Variants in MAOB observed in about 807,000 individuals in gnomAD.
The protein encoded by MAOB is monoamine oxidase B.
In MAOB, 15 loss-of-function variants were observed where a neutral mutation model predicts 41.9. That is an observed-to-expected ratio of 0.36 (90% CI 0.24 to 0.55). The LOEUF (loss-of-function observed/expected upper bound fraction) is 0.55. Ranked by LOEUF, MAOB falls within the 20% of genes least tolerant of loss-of-function variation. The pLI is 0.86. For synonymous variants in MAOB, 167 were observed against 144.2 expected (o/e 1.16, Z -1.13); for missense variants, 345 against 398.7 (o/e 0.87, Z 1.15).
intron 8 of MAOB, among the ~76,000 whole-genome samples, chrX:43,785,906 A>T (rs1247582661): frequency 1.8e-5 from 2 of 112,189 alleles, no homozygotes; most frequent in Admixed American, 1.9e-4. Flanking sequence ...CACTGATCAC[A>T]GATCACCATG....
At chrX:43,818,483 G>T (rs1261703513) in intron 3 of MAOB, among the ~76,000 whole-genome samples, 2 of 112,195 alleles carry the variant, frequency 1.8e-5, no homozygotes, top group Non-Finnish European at 3.7e-5. Flanking sequence ...TGCAGCAGAA[G>T]ATCCAAGTCC....
chrX:43,772,758 G>T (rs1446118675), intron 12 of MAOB, among the ~76,000 whole-genome samples: 2 of 111,377 alleles, frequency 1.8e-5, no homozygotes, highest in African/African-American at 6.5e-5. Flanking sequence ...GGATCATGGG[G>T]ACGGATCCCT....
At chrX:43,870,827 A>AAAAAG (rs966749967) in intron 1 of MAOB, among the ~76,000 whole-genome samples, 1 of 107,774 alleles carries the variant, frequency 9.3e-6, no homozygotes, top group Non-Finnish European at 1.9e-5. Flanking sequence ...AAAGAGAAAG[A>AAAAAG]AAAAGAAAAG....
intron 3 of MAOB, among the ~76,000 whole-genome samples, chrX:43,804,423 G>C (rs987570325): frequency 1.8e-5 from 2 of 110,468 alleles, no homozygotes; most frequent in Non-Finnish European, 3.8e-5. Context: ...TTCTCAGCCA[G>C]GATTCCTTAG....
At chrX:43,846,553 T>C (rs540027637) in intron 1 of MAOB, among the ~76,000 whole-genome samples, 1 of 111,204 alleles carries the variant, frequency 9.0e-6, no homozygotes, top group Non-Finnish European at 1.9e-5. Flanking sequence ...TTGACAGAAA[T>C]TGATCTGAAA....
chrX:43,779,189 A>G (rs1569210230), intron 10 of MAOB, among the ~76,000 whole-genome samples: 1 of 112,126 alleles, frequency 8.9e-6, no homozygotes, highest in African/African-American at 3.2e-5. Context: ...GAGCAAAGAA[A>G]TAAGTACAGA....
intron 12 of MAOB, among the ~76,000 whole-genome samples, chrX:43,773,142 C>T (rs1177132393): frequency 1.8e-5 from 2 of 112,277 alleles, no homozygotes; most frequent in East Asian, 5.6e-4. Flanking sequence ...ATTCCATCTG[C>T]ATAGACTGCA....
chrX:43,793,641 TTC>T, intron 7 of MAOB, 63 bp from the exon 8 acceptor site: 2 of 894,008 alleles, frequency 2.2e-6, no homozygotes, highest in South Asian at 2.3e-5. Flanking sequence ...TTCCCAATGA[TTC>T]TCTCTCATTC....
intron 4 of MAOB, 68 bp from the exon 5 acceptor site, chrX:43,802,331 G>T: frequency 2.7e-6 from 2 of 751,728 alleles, no homozygotes; most frequent in Non-Finnish European, 1.9e-6. Flanking sequence ...ATTCATTTTT[G>T]TAATTTTCCA....
intron 1 of MAOB, among the ~76,000 whole-genome samples, chrX:43,878,515 A>G (rs2035454647): frequency 9.1e-6 from 1 of 109,906 alleles, no homozygotes. Context: ...CTCCCGTCTC[A>G]ACCTTCCAAG....
rs751845242 is a variant in MAOB, at chrX:43,814,804, A to G, written c.280-11400T>C. Among the ~76,000 whole-genome samples, 5 of 112,419 alleles carry G rather than the reference A, an allele frequency of 4.4e-5. No homozygotes were observed. The East Asian group carries it at 1.4e-3, about 31-fold the overall frequency. ...ACTGGATAAACAGTACTAAAATAAG[A>G]AGAATTCTTCAGAGTCTGAGTCAGA... On this transcript the variant is annotated intron_variant, in intron 3 of 14. Transcript: ENST00000378069.
intron 3 of MAOB, among the ~76,000 whole-genome samples, chrX:43,807,021 C>T (rs1011965588): frequency 9.0e-6 from 1 of 111,686 alleles, no homozygotes; most frequent in African/African-American, 3.3e-5. Flanking sequence ...TCCAAGAAGG[C>T]TTTCCTTTTA....
intron 1 of MAOB, among the ~76,000 whole-genome samples, chrX:43,845,979 C>T (rs997645368): frequency 2.7e-5 from 3 of 111,987 alleles, no homozygotes; most frequent in African/African-American, 9.7e-5. Flanking sequence ...GTCCATGAAC[C>T]CCATGCAGTG....
intron 1 of MAOB, among the ~76,000 whole-genome samples, chrX:43,853,267 C>CAAAAAAAAAAAA (rs397957481): frequency 1.5e-4 from 4 of 26,430 alleles, no homozygotes; most frequent in Admixed American, 3.8e-4. Flanking sequence ...GAGTCCGTCT[C>CAAAAAAAAAAAA]AAAAAAAAAA....
At chrX:43,797,324 C>A in intron 5 of MAOB, 58 bp from the exon 6 acceptor site, 1 of 953,622 alleles carries the variant, frequency 1.0e-6, no homozygotes, top group Non-Finnish European at 1.4e-6. Flanking sequence ...CTTCTTAATT[C>A]TCTAAAAATT....
chrX:43,861,879 G>A (rs752089600), intron 1 of MAOB, among the ~76,000 whole-genome samples: 2 of 110,712 alleles, frequency 1.8e-5, no homozygotes, highest in Admixed American at 1.9e-4. Flanking sequence ...GTGTGTGTGT[G>A]TGTGTGTCTA....
intron 1 of MAOB, among the ~76,000 whole-genome samples, chrX:43,868,320 C>A (rs906536599): frequency 3.6e-5 from 4 of 112,031 alleles, no homozygotes; most frequent in Admixed American, 2.8e-4. Context: ...ATGCTTTTAC[C>A]TTTCCTACTT....
rs748373348 is a variant in MAOB, at chrX:43,797,198, G to A, written c.545C>T (p.Ala182Val). Residue 182 changes from alanine (A) to valine (V), a missense_variant, in exon 6 of 15, where the codon GCT becomes GTT. Ala to Val is a moderately conservative substitution (Grantham distance 64). Coordinates refer to ENST00000378069, the MANE Select transcript of MAOB (RefSeq NM_000898.5). Reference protein sequence around the residue: ...CVTAETHEVSALWFLWYVKQC... With the variant: ...CVTAETHEVSVLWFLWYVKQC... ...CTTCACATACCACAGGAACCAGAGA[G>A]CAGAGACCTCATGGGTCTCTGCAGT... 1.5e-5 allele frequency: 18 copies of A among 1,202,960 alleles called. No individual in the cohort carries two copies. The Admixed American group carries it at 3.5e-4, about 23-fold the overall frequency.
chrX:43,841,244 ACT>A (rs935961471), intron 2 of MAOB, among the ~76,000 whole-genome samples: 1 of 110,860 alleles, frequency 9.0e-6, no homozygotes, highest in African/African-American at 3.3e-5. Flanking sequence ...GCTTTGCTTG[ACT>A]CTGTGTTTAA....
Sources: allele counts gnomAD v4.1 joint callset (sites outside exome capture counted in the v4.1 genomes callset), GRCh38; gene constraint gnomAD v4.1.1; transcripts MANE v1.5; gene names NCBI Gene and HGNC (gene_info 2026-07-23, HGNC 2026-07-21).